ERC1: variants seen among roughly 807,000 people sequenced by gnomAD.
ERC1 encodes RAB6 interacting protein 2.
In ERC1, 56 loss-of-function variants were observed where a neutral mutation model predicts 132.0. That is an observed-to-expected ratio of 0.42 (90% CI 0.34 to 0.53). The LOEUF is 0.53. Ranked by LOEUF, ERC1 falls within the 20% of genes least tolerant of loss-of-function variation. ERC1 has a pLI of 0.03. For missense variants in ERC1, 1,202 were observed against 1,349.9 expected (o/e 0.89, Z 1.72); for synonymous variants, 478 against 476.1 (o/e 1.00, Z -0.05).
chr12:1,207,624 G>A (rs1566248262), intron 12 of ERC1, among the ~76,000 whole-genome samples: 2 of 151,896 alleles, frequency 1.3e-5, no homozygotes, highest in South Asian at 2.1e-4. Context: ...TCATTGGTGG[G>A]AAAAAAAATA....
Position 1,274,462 on chromosome 12 carries a change from C to CTATTT in ERC1, c.2619+11318_2619+11322dup, listed in dbSNP as rs201815189. The stretch of plus-strand genomic sequence containing the variant: ...TGAATGGTCAGGGAAAGCATCTCGT[C>CTATTT]TATTTTATTTTATTTTATTTTATTT... On this transcript the variant is annotated intron_variant, in intron 14 of 18. Transcript: ENST00000360905. Among the ~76,000 whole-genome samples the CTATTT allele has an allele frequency of 6.6e-3, 986 of 150,302 alleles. 11 individuals are homozygous for CTATTT. Among genetic ancestry groups the CTATTT allele is most frequent in the African/African-American group, 0.019 (770 of 40,296 alleles).
chr12:1,002,781 A>G (rs1962655783), intron 1 of ERC1, among the ~76,000 whole-genome samples: 1 of 152,174 alleles, frequency 6.6e-6, no homozygotes, highest in Non-Finnish European at 1.5e-5. Flanking sequence ...ATGAGGTTGA[A>G]TAATTTTATG....
chr12:1,453,038 A>G (rs771936313), intron 18 of ERC1, among the ~76,000 whole-genome samples: 3 of 152,166 alleles, frequency 2.0e-5, no homozygotes, highest in Non-Finnish European at 4.4e-5. Context: ...CCTGCACCGC[A>G]GAGGGCCTCT....
At chr12:1,058,521 T>C (rs1332562621) in intron 2 of ERC1, among the ~76,000 whole-genome samples, 1 of 152,208 alleles carries the variant, frequency 6.6e-6, no homozygotes, top group African/African-American at 2.4e-5. Flanking sequence ...TGGATTTATT[T>C]CTAGGTTCTC....
intron 7 of ERC1, among the ~76,000 whole-genome samples, chr12:1,118,226 C>G (rs1946669341): frequency 6.6e-6 from 1 of 152,202 alleles, no homozygotes; most frequent in Admixed American, 6.5e-5. Flanking sequence ...ACTGTAATAG[C>G]TTTGGATGGA....
chr12:1,054,802 A>T (rs546154946), intron 2 of ERC1, among the ~76,000 whole-genome samples: 1 of 152,262 alleles, frequency 6.6e-6, no homozygotes, highest in East Asian at 1.9e-4. Context: ...GATTTTTTTC[A>T]AAAGGGGGCA....
Position 1,412,750 on chromosome 12 carries a change from C to T in ERC1, c.3024+4503C>T, listed in dbSNP as rs115622004. On this transcript the variant is annotated intron_variant, in intron 17 of 18. Transcript: ENST00000360905. Reference sequence around the variant, plus strand: ...AAAATGGGTTTATGAATAATGCCTACTTCCTAGGATTATTGGATAGATTAA... The same window carrying T: ...AAAATGGGTTTATGAATAATGCCTATTTCCTAGGATTATTGGATAGATTAA... 9.3e-3 allele frequency among the ~76,000 whole-genome samples: 1,422 copies of T among 152,260 alleles called. 25 individuals carry two copies. Among genetic ancestry groups the T allele is most frequent in the African/African-American group, 0.032 (1,349 of 41,536 alleles).
chr12:1,154,531 A>G (rs1376899835), intron 8 of ERC1, among the ~76,000 whole-genome samples: 1 of 152,162 alleles, frequency 6.6e-6, no homozygotes, highest in Non-Finnish European at 1.5e-5. Context: ...GGATCTCAAA[A>G]GCACAACAAA....
At chr12:1,180,282 TGCGCGCACGCGTGTGC>T (rs1285879731) in intron 8 of ERC1, among the ~76,000 whole-genome samples, 7,766 of 144,114 alleles carry the variant, frequency 0.054, 671 homozygotes, top group African/African-American at 0.19. Flanking sequence ...TGTGTGTGTG[TGCGCGCACGCGTGTGC>T]GCGCGCGCAT....
At chr12:1,044,913 C>T (rs985108913) in intron 2 of ERC1, among the ~76,000 whole-genome samples, 1 of 152,050 alleles carries the variant, frequency 6.6e-6, no homozygotes. Context: ...ATGACTCATC[C>T]ATGAATTATG....
At chr12:1,117,794 A>G (rs1205214958) in intron 7 of ERC1, among the ~76,000 whole-genome samples, 2 of 152,234 alleles carry the variant, frequency 1.3e-5, no homozygotes, top group East Asian at 3.8e-4. Context: ...TTGAGATGTT[A>G]AGAGAACATA....
intron 1 of ERC1, among the ~76,000 whole-genome samples, chr12:1,006,251 C>G (rs1963567386): frequency 6.6e-6 from 1 of 152,140 alleles, no homozygotes; most frequent in Non-Finnish European, 1.5e-5. Flanking sequence ...ACCACTGCAC[C>G]TGGCCAGTAT....
At chr12:1,466,555 TA>T in intron 18 of ERC1, among the ~76,000 whole-genome samples, 1 of 152,098 alleles carries the variant, frequency 6.6e-6, no homozygotes, top group Non-Finnish European at 1.5e-5. Flanking sequence ...GGGTAATTGT[TA>T]AGGGTTTCAA....
Position 1,491,724 on chromosome 12 carries a change from A to G in ERC1, c.*1494A>G, listed in dbSNP as rs1161504527. 2 of 231,054 alleles carry G rather than the reference A, an allele frequency of 8.7e-6. No individual in the cohort carries two copies. Among genetic ancestry groups the G allele is most frequent in the Non-Finnish European group, 1.7e-5 (2 of 116,794 alleles). The allele number at this position is 231,054 out of a possible 1,614,324, so 14.3% of individuals were successfully genotyped here. A position where few individuals can be genotyped will look rare whatever the true frequency, so the allele number is the denominator to read the frequency against. ...TGGCCATTTCCTGACATCTGCATGT[A>G]CCTCGTGGAATTCAGCCAGCTTCAT... On this transcript the variant is annotated 3_prime_UTR_variant, in exon 19 of 19. Transcript: ENST00000360905.
At chr12:1,000,345 G>A (rs1289158971) in intron 1 of ERC1, among the ~76,000 whole-genome samples, 1 of 152,030 alleles carries the variant, frequency 6.6e-6, no homozygotes, top group Non-Finnish European at 1.5e-5. Context: ...AATTAGCTGG[G>A]TGTGGTGGTG....
In ERC1 at chr12:1,410,345, T is replaced by C. The variant is rs892446039; in HGVS notation, c.3024+2098T>C. 10 of 918,304 alleles carry C rather than the reference T, an allele frequency of 1.1e-5. No homozygotes were observed. The African/African-American group carries it at 1.2e-4, about 11-fold the overall frequency. The allele number at this position is 918,304 out of a possible 1,614,324, so 56.9% of individuals were successfully genotyped here. A position where few individuals can be genotyped will look rare whatever the true frequency, so the allele number is the denominator to read the frequency against. On this transcript the variant is annotated intron_variant, in intron 17 of 18. Transcript: ENST00000360905. ...TACTAACCACCTCTTTTTCATTCCA[T>C]GCTGCCCTGGGGCATTGCCCCCTTG...
chr12:1,427,058 C>A (rs2092663692), intron 17 of ERC1, among the ~76,000 whole-genome samples: 1 of 152,014 alleles, frequency 6.6e-6, no homozygotes, highest in South Asian at 2.1e-4. Flanking sequence ...AACTGGACAC[C>A]AGCCTAGAAG....
At chr12:1,409,820 T>A (rs1372237374) in intron 17 of ERC1, among the ~76,000 whole-genome samples, 19 of 152,318 alleles carry the variant, frequency 1.2e-4, no homozygotes, top group Admixed American at 1.2e-3. Context: ...GTGATTCTCC[T>A]GCCTCACCCT....
At chr12:1,039,253 C>T (rs1464724700) in intron 2 of ERC1, among the ~76,000 whole-genome samples, 5 of 150,786 alleles carry the variant, frequency 3.3e-5, no homozygotes, top group Admixed American at 2.0e-4. Context: ...AGGAGAATGG[C>T]GTGAACCCGG....
Sources: allele counts gnomAD v4.1 joint callset (sites outside exome capture counted in the v4.1 genomes callset), GRCh38; gene constraint gnomAD v4.1.1; transcripts MANE v1.5; gene names NCBI Gene and HGNC (gene_info 2026-07-23, HGNC 2026-07-21).